Variants in NPAS3 observed in about 807,000 individuals in gnomAD.
NPAS3 encodes neuronal PAS domain-containing protein 3.
NPAS3 carries 14 observed loss-of-function variants against 73.1 expected under a neutral mutation model. The observed-to-expected ratio is 0.19, with a 90% CI of 0.13 to 0.30. The LOEUF (loss-of-function observed/expected upper bound fraction) is 0.30, where lower values mean the gene tolerates loss of function less well. Among genes scored for constraint, NPAS3 ranks in the 10% least tolerant of loss-of-function variants. The pLI is 1.00. For missense variants in NPAS3, 1,096 were observed against 1,250.0 expected (o/e 0.88, Z 1.86); for synonymous variants, 620 against 541.5 (o/e 1.14, Z -2.01).
intron 2 of NPAS3, among the ~76,000 whole-genome samples, chr14:33,086,007 A>G (rs1408085460): frequency 6.6e-6 from 1 of 152,124 alleles, no homozygotes; most frequent in African/African-American, 2.4e-5. Flanking sequence ...CTCTTGGCAT[A>G]TTTTACAAAC....
intron 3 of NPAS3, among the ~76,000 whole-genome samples, chr14:33,291,824 G>T (rs968310572): frequency 6.6e-6 from 1 of 152,184 alleles, no homozygotes; most frequent in Non-Finnish European, 1.5e-5. Flanking sequence ...AAGGTATTAC[G>T]GAATAACGGT....
intron 5 of NPAS3, among the ~76,000 whole-genome samples, chr14:33,614,725 C>G (rs948538986): frequency 1.3e-5 from 2 of 152,128 alleles, no homozygotes; most frequent in African/African-American, 4.8e-5. Context: ...AGTTCTTCAG[C>G]CCCCAAACCC....
At chr14:33,027,201 A>G (rs1164129228) in intron 1 of NPAS3, among the ~76,000 whole-genome samples, 1 of 152,134 alleles carries the variant, frequency 6.6e-6, no homozygotes, top group East Asian at 1.9e-4. Context: ...CAAGGGCCCT[A>G]TTTTTCTGGG....
At chr14:33,752,853 T>C (rs1401103475) in intron 7 of NPAS3, among the ~76,000 whole-genome samples, 1 of 152,156 alleles carries the variant, frequency 6.6e-6, no homozygotes, top group Non-Finnish European at 1.5e-5. Context: ...TGTTTCGCGC[T>C]CAAGTTCAAC....
At chr14:33,149,103 ATGAT>A (rs1428264559) in intron 2 of NPAS3, among the ~76,000 whole-genome samples, 1 of 152,218 alleles carries the variant, frequency 6.6e-6, no homozygotes, top group Non-Finnish European at 1.5e-5. Context: ...AAATATACCA[ATGAT>A]TGATGGTTCA....
At chr14:33,333,151 T>C (rs1379481653) in intron 3 of NPAS3, among the ~76,000 whole-genome samples, 1 of 152,210 alleles carries the variant, frequency 6.6e-6, no homozygotes, top group Non-Finnish European at 1.5e-5. Context: ...TTAACTTTTC[T>C]TTTTAACCAG....
chr14:33,603,290 A>C (rs1020164137), intron 5 of NPAS3, among the ~76,000 whole-genome samples: 10 of 152,344 alleles, frequency 6.6e-5, no homozygotes, highest in Middle Eastern at 3.4e-3. Flanking sequence ...GAAACTATGC[A>C]AAATGAAATA....
At chr14:33,183,953 A>T (rs959072392) in intron 2 of NPAS3, among the ~76,000 whole-genome samples, 2 of 152,146 alleles carry the variant, frequency 1.3e-5, no homozygotes, top group Non-Finnish European at 2.9e-5. Flanking sequence ...GACAGCCAGT[A>T]TCCCTGAAAA....
At chr14:32,938,486 T>TGAGAGAGAGAGAGAGAGA (rs369330767), upstream of NPAS3, among the ~76,000 whole-genome samples, 128 of 55,888 alleles carry the variant, frequency 2.3e-3, 5 homozygotes, top group African/African-American at 2.5e-3. Context: ...AGAGAGAAAT[T>TGAGAGAGAGAGAGAGAGA]GAGAGAGAGA....
chr14:33,183,475 G>C (rs1318314621), intron 2 of NPAS3, among the ~76,000 whole-genome samples: 1 of 75,186 alleles, frequency 1.3e-5, no homozygotes, highest in East Asian at 3.5e-4. Flanking sequence ...TCTGTTCTTG[G>C]ATTTTTCATG....
At chr14:32,998,560 T>C (rs1385795665) in intron 1 of NPAS3, among the ~76,000 whole-genome samples, 2 of 152,180 alleles carry the variant, frequency 1.3e-5, no homozygotes, top group Admixed American at 6.5e-5. Context: ...TTCAACAAAC[T>C]TTCACTGGCT....
At chr14:33,609,470 A>G (rs1463765275) in intron 5 of NPAS3, among the ~76,000 whole-genome samples, 3 of 152,154 alleles carry the variant, frequency 2.0e-5, no homozygotes, top group Non-Finnish European at 4.4e-5. Flanking sequence ...TTTCAACCCA[A>G]ATGTATTTGT....
chr14:33,308,684 A>G (rs1210626751), intron 3 of NPAS3, among the ~76,000 whole-genome samples: 3 of 151,622 alleles, frequency 2.0e-5, no homozygotes, highest in Admixed American at 6.6e-5. Flanking sequence ...TTTGGTTTAG[A>G]GGTATGTTCC....
intron 3 of NPAS3, among the ~76,000 whole-genome samples, chr14:33,309,188 T>G (rs1485416930): frequency 1.3e-5 from 2 of 152,186 alleles, no homozygotes; most frequent in African/African-American, 4.8e-5. Context: ...TTTCCTCCTT[T>G]TCCTTTTTTA....
Position 33,486,007 on chromosome 14 carries a change from G to A in NPAS3, c.469-74114G>A, listed in dbSNP as rs556308324. Among the ~76,000 whole-genome samples the A allele has an allele frequency of 2.0e-5, 3 of 152,200 alleles. No homozygotes were observed. The East Asian group carries it at 5.8e-4, about 29-fold the overall frequency. The stretch of plus-strand genomic sequence containing the variant: ...GTGGATGTGAGCAGGGGGAGTGGGG[G>A]CAGGTTCATTGGTGCAGGCAGCCTC... On this transcript the variant is annotated intron_variant, in intron 4 of 11. Coordinates refer to ENST00000356141, the Ensembl canonical transcript of NPAS3.
At chr14:33,764,972 A>G (rs1468028563) in intron 7 of NPAS3, among the ~76,000 whole-genome samples, 1 of 152,222 alleles carries the variant, frequency 6.6e-6, no homozygotes, top group African/African-American at 2.4e-5. Context: ...TCCTTGGCAT[A>G]CATTTACATA....
At position 33,177,666 on chromosome 14, in the gene NPAS3, ATTCAATTTT is replaced by A. The variant is rs1233557451; in HGVS notation, c.141-37515_141-37507del. Reference sequence around the variant, plus strand: ...TAGTTTTAGCATTGATCCATTTTACATTCAATTTTGTAATTGCTATGACGTAGAGGTCCA... The same window carrying A: ...TAGTTTTAGCATTGATCCATTTTACAGTAATTGCTATGACGTAGAGGTCCA... On this transcript the variant is annotated intron_variant, in intron 2 of 11. Coordinates refer to ENST00000356141, the Ensembl canonical transcript of NPAS3. Among the ~76,000 whole-genome samples, 424 of 152,302 alleles carry A rather than the reference ATTCAATTTT, an allele frequency of 2.8e-3. 2 individuals carry two copies. The highest frequency in any genetic ancestry group is 9.7e-3 in the African/African-American group (404 of 41,572).
intron 4 of NPAS3, among the ~76,000 whole-genome samples, chr14:33,489,458 C>CA (rs1485868381): frequency 2.0e-4 from 31 of 151,862 alleles, no homozygotes; most frequent in Non-Finnish European, 1.5e-4. Context: ...AAAAAAACAG[C>CA]AAAAAAGTTA....
At chr14:33,258,275 T>A (rs1253960144) in intron 3 of NPAS3, among the ~76,000 whole-genome samples, 2 of 152,154 alleles carry the variant, frequency 1.3e-5, no homozygotes, top group African/African-American at 4.8e-5. Context: ...CACACACCTG[T>A]AGTCCCAGCT....
Sources: allele counts gnomAD v4.1 joint callset (sites outside exome capture counted in the v4.1 genomes callset), GRCh38; gene constraint gnomAD v4.1.1; transcripts MANE v1.5; gene names NCBI Gene and HGNC (gene_info 2026-07-23, HGNC 2026-07-21).